The following DPH6 variants were observed in gnomAD, a reference collection of about 807,000 sequenced individuals.
The protein encoded by DPH6 is diphthine--ammonia ligase.
Under a neutral mutation model 38.2 loss-of-function variants are expected in DPH6, and 33 were observed. The ratio of observed to expected loss-of-function variants is 0.86; its 90% CI spans 0.65 to 1.15. DPH6 has a LOEUF of 1.15. DPH6 is among the 50% of genes most tolerant of loss of function. The pLI, the probability that DPH6 is intolerant of heterozygous loss-of-function variation, is 0.00. For synonymous variants in DPH6, 108 were observed against 103.0 expected, an observed-to-expected ratio of 1.05 and a Z score of -0.30; for missense variants, 325 against 320.0, an observed-to-expected ratio of 1.02 and a Z score of -0.12.
chr15:35,406,069 AG>A (rs1277438937), intron 6 of DPH6, among the ~76,000 whole-genome samples: 2 of 152,230 alleles, frequency 1.3e-5, no homozygotes, highest in African/African-American at 4.8e-5. Context: ...AAGAAAAAAT[AG>A]TATGATAAAT....
At chr15:35,325,306 T>C (rs1392673171) in intron 3 of DPH6, among the ~76,000 whole-genome samples, 1 of 152,200 alleles carries the variant, frequency 6.6e-6, no homozygotes, top group Non-Finnish European at 1.5e-5. Context: ...GAGAACTTAT[T>C]CTATTAAATA....
chr15:35,355,018 T>C (rs950529726), intron 3 of DPH6, among the ~76,000 whole-genome samples: 3 of 152,252 alleles, frequency 2.0e-5, no homozygotes, highest in Admixed American at 6.5e-5. Flanking sequence ...CTTGTTGAAT[T>C]GATCCCTTTA....
intron 5 of DPH6, among the ~76,000 whole-genome samples, chr15:35,411,738 T>C (rs1299878186): frequency 1.3e-5 from 2 of 151,758 alleles, no homozygotes; most frequent in African/African-American, 2.4e-5. Context: ...CAAAAGTTAA[T>C]GTAATGAAAG....
downstream of DPH6, among the ~76,000 whole-genome samples, chr15:35,215,063 T>C (rs539444552): frequency 2.6e-5 from 4 of 152,248 alleles, no homozygotes; most frequent in Non-Finnish European, 4.4e-5. Flanking sequence ...TAACACCATC[T>C]TGTGCAATAA....
the DPH6 span, among the ~76,000 whole-genome samples, chr15:35,208,920 GA>G: frequency 6.6e-6 from 1 of 152,050 alleles, no homozygotes; most frequent in Non-Finnish European, 1.5e-5. Flanking sequence ...TAAAATTGTA[GA>G]AAGCAGGTAT....
the DPH6 span, among the ~76,000 whole-genome samples, chr15:35,189,962 A>G: frequency 1.3e-5 from 2 of 152,220 alleles, no homozygotes; most frequent in Admixed American, 6.5e-5. Flanking sequence ...ATCTTGTAAC[A>G]AAGTTTGTCC....
intron 3 of DPH6, among the ~76,000 whole-genome samples, chr15:35,500,437 G>A (rs1429488917): frequency 6.6e-6 from 1 of 152,160 alleles, no homozygotes; most frequent in Non-Finnish European, 1.5e-5. Flanking sequence ...CATCTGCCTG[G>A]TGATCAAGGA....
At chr15:35,538,633 C>T (rs2055208526) in intron 2 of DPH6, among the ~76,000 whole-genome samples, 166 bp from the exon 3 acceptor site, 1 of 152,102 alleles carries the variant, frequency 6.6e-6, no homozygotes, top group Admixed American at 6.6e-5. Context: ...AAGAATTGCA[C>T]ATTTGTCTGT....
intron 5 of DPH6, among the ~76,000 whole-genome samples, chr15:35,450,389 C>T (rs2053916353): frequency 6.7e-6 from 1 of 149,370 alleles, no homozygotes; most frequent in South Asian, 2.1e-4. Context: ...AATTCCAAAC[C>T]CTAAAAAAAA....
At chr15:35,310,145 C>T (rs1221901668) in intron 3 of DPH6, among the ~76,000 whole-genome samples, 1 of 152,102 alleles carries the variant, frequency 6.6e-6, no homozygotes. Flanking sequence ...AATTTTGTAG[C>T]CCAGATTGAG....
chr15:35,434,190 A>ATACC lies in DPH6; in HGVS notation c.505+16491_505+16494dup, dbSNP rs572402379. ...TCGTTTCTATCTCTGGGAGGTAAGG[A>ATACC]TACCTAATACGACTAGGTCTCTGGT... On this transcript the variant is annotated intron_variant, in intron 5 of 8. Coordinates refer to ENST00000256538, the MANE Select transcript of DPH6 (RefSeq NM_080650.4). 7.1e-3 allele frequency among the ~76,000 whole-genome samples: 1,088 copies of ATACC among 152,308 alleles called. 5 individuals carry two copies. Among genetic ancestry groups the ATACC allele is most frequent in the Non-Finnish European group, 0.012 (784 of 68,016 alleles).
intron 6 of DPH6, among the ~76,000 whole-genome samples, chr15:35,397,667 G>A (rs1311548314): frequency 6.6e-6 from 1 of 151,932 alleles, no homozygotes; most frequent in Non-Finnish European, 1.5e-5. Flanking sequence ...GAAGTGAGAG[G>A]GAAAGAAAAA....
At chr15:35,419,342 A>G (rs919023196) in intron 5 of DPH6, among the ~76,000 whole-genome samples, 1 of 152,126 alleles carries the variant, frequency 6.6e-6, no homozygotes, top group Non-Finnish European at 1.5e-5. Flanking sequence ...GAAAGTGACT[A>G]TCTCAGGAAG....
intron 3 of DPH6, among the ~76,000 whole-genome samples, chr15:35,356,281 C>A (rs898634169): frequency 3.3e-5 from 5 of 152,204 alleles, no homozygotes; most frequent in African/African-American, 4.8e-5. Flanking sequence ...CTTCTCTCAA[C>A]TCGTCAAAGT....
At chr15:35,540,809 T>C (rs565814445) in intron 2 of DPH6, among the ~76,000 whole-genome samples, 1 of 152,220 alleles carries the variant, frequency 6.6e-6, no homozygotes, top group South Asian at 2.1e-4. Context: ...AGTAAAATAA[T>C]TCATGTGAAA....
chr15:35,460,119 T>C (rs1187801442), intron 3 of DPH6, among the ~76,000 whole-genome samples: 1 of 152,152 alleles, frequency 6.6e-6, no homozygotes, highest in African/African-American at 2.4e-5. Context: ...AGGGGGTTGA[T>C]TATGACCATT....
intron 5 of DPH6, among the ~76,000 whole-genome samples, chr15:35,435,958 G>T (rs1296498830): frequency 6.6e-6 from 1 of 151,734 alleles, no homozygotes; most frequent in South Asian, 2.1e-4. Flanking sequence ...TTTTGGGACC[G>T]TAATGGCACC....
chr15:35,195,895 A>G, the DPH6 span, among the ~76,000 whole-genome samples: 2 of 151,906 alleles, frequency 1.3e-5, no homozygotes, highest in African/African-American at 4.8e-5. Context: ...GTAGCTATCT[A>G]CGGGAATTTC....
At chr15:35,411,918 GA>G (rs1471703191) in intron 5 of DPH6, among the ~76,000 whole-genome samples, 1 of 151,442 alleles carries the variant, frequency 6.6e-6, no homozygotes, top group Admixed American at 6.6e-5. Flanking sequence ...CCTATAACAG[GA>G]AAAAAATCTA....
Sources: allele counts gnomAD v4.1 joint callset (sites outside exome capture counted in the v4.1 genomes callset), GRCh38; gene constraint gnomAD v4.1.1; transcripts MANE v1.5; gene names NCBI Gene and HGNC (gene_info 2026-07-23, HGNC 2026-07-21).